The following NEXN variants were observed in gnomAD, a reference collection of about 807,000 sequenced individuals.
NEXN encodes nexilin.
A neutral mutation model predicts 92.6 loss-of-function variants in NEXN; 65 were observed. The observed-to-expected ratio is 0.70, with a 90% CI of 0.57 to 0.86. The LOEUF is 0.86. NEXN is among the 40% of genes least tolerant of loss of function. The pLI is 0.00. For missense variants in NEXN, 778 were observed against 771.1 expected (o/e 1.01, Z -0.11); for synonymous variants, 254 against 242.5 (o/e 1.05, Z -0.44).
rs146368533 is a variant in NEXN at position 77,902,351 on chromosome 1, C to A, written c.-53+13592C>A. Among the ~76,000 whole-genome samples, 449 of 152,182 alleles carry A rather than the reference C, an allele frequency of 3.0e-3. 6 individuals carry two copies. Among genetic ancestry groups the A allele is most frequent in the African/African-American group, 0.01 (424 of 41,532 alleles). ...AATTTTATTTGTACATGTAACTTTT[C>A]ATTACTTTATTAATGACTTCATCAA... On this transcript the variant is annotated intron_variant, in intron 1 of 12. Coordinates refer to ENST00000334785, the MANE Select transcript of NEXN (RefSeq NM_144573.4).
At position 77,942,590 on chromosome 1, in the gene NEXN, G is replaced by A. The variant is rs771979669; in HGVS notation, c.1789G>A (p.Glu597Lys). The stretch of plus-strand genomic sequence containing the variant: ...TAAAAACACATCAGTTGTAGACAGT[G>A]AGCCAGTCAGATTTACGGTTAAAGT... The part of the protein sequence containing the change: ...PLKNTSVVDS[E>K]PVRFTVKVTG... The change falls in exon 13 of 13, where the codon GAG becomes AAG. Residue 597 changes from glutamate (E) to lysine (K), a missense_variant. Physicochemically the swap from Glu to Lys is moderately conservative, Grantham distance 56 (BLOSUM62 1). Around this residue, in one of 3 missense-constraint regions of NEXN, gnomAD observed 532 missense variants for 476.7 expected, o/e 1.12. Coordinates refer to ENST00000334785, the MANE Select transcript of NEXN (RefSeq NM_144573.4). 8 of 1,613,872 alleles carry A rather than the reference G, an allele frequency of 5.0e-6. No individual in the cohort carries two copies. Among genetic ancestry groups the A allele is most frequent in the Non-Finnish European group, 5.9e-6 (7 of 1,179,810 alleles).
chr1:77,941,068 G>A (rs138764311), intron 11 of NEXN, among the ~76,000 whole-genome samples: 9 of 152,270 alleles, frequency 5.9e-5, no homozygotes, highest in African/African-American at 1.9e-4. Flanking sequence ...ACCTCAAACT[G>A]AAGTGAAACA....
chr1:77,895,211 A>AT (rs1452685827), intron 1 of NEXN, among the ~76,000 whole-genome samples: 4 of 151,092 alleles, frequency 2.6e-5, no homozygotes, highest in Non-Finnish European at 2.9e-5. Flanking sequence ...TGATTGGCTA[A>AT]TTTTTTTGTA....
chr1:77,936,787 T>C (rs1284614521), intron 11 of NEXN, among the ~76,000 whole-genome samples: 1 of 152,226 alleles, frequency 6.6e-6, no homozygotes, highest in African/African-American at 2.4e-5. Flanking sequence ...TTAACCTATA[T>C]TCTATTTTGA....
Position 77,926,283 on chromosome 1 carries a change from T to A in NEXN, c.490-131T>A, listed in dbSNP as rs531178076. On this transcript the variant is annotated intron_variant, in intron 6 of 12. Transcript: ENST00000334785. ...TAGAGTAGGAGATATTTAATAATAATCTGTAAAAAAATGTTCTTCATAATA... is the reference window on the plus strand; with the variant it reads ...TAGAGTAGGAGATATTTAATAATAAACTGTAAAAAAATGTTCTTCATAATA... 1.1e-4 allele frequency: 69 copies of A among 613,648 alleles called. No individual in the cohort carries two copies. In the African/African-American group the frequency reaches 1.2e-3, roughly 10 times the overall value. The allele number at this position is 613,648 out of a possible 1,614,324, so 38.0% of individuals were successfully genotyped here. A position where few individuals can be genotyped will look rare whatever the true frequency, so the allele number is the denominator to read the frequency against.
chr1:77,918,104 T>A (rs775520227), intron 4 of NEXN, 21 bp from the exon 5 acceptor site: 1 of 1,611,294 alleles, frequency 6.2e-7, no homozygotes, highest in Admixed American at 1.7e-5. Context: ...AGTATCAAAC[T>A]TTTTTTTCAT....
chr1:77,931,869 G>A (rs929937226), intron 9 of NEXN: 2 of 152,180 alleles, frequency 1.3e-5, no homozygotes, highest in African/African-American at 4.8e-5. Flanking sequence ...TCCCCTGTGT[G>A]TATTTCAACC....
At chr1:77,898,082 T>G (rs887567102) in intron 1 of NEXN, among the ~76,000 whole-genome samples, 1 of 151,672 alleles carries the variant, frequency 6.6e-6, no homozygotes, top group Non-Finnish European at 1.5e-5. Flanking sequence ...ATGGCCATAC[T>G]GCCCAAGGTA....
At chr1:77,898,730 C>T (rs1257476460) in intron 1 of NEXN, among the ~76,000 whole-genome samples, 1 of 152,080 alleles carries the variant, frequency 6.6e-6, no homozygotes, top group Non-Finnish European at 1.5e-5. Flanking sequence ...AGGCAACCTA[C>T]AAAATGGGAG....
At chr1:77,933,183 AAAAC>A (rs1650447267) in intron 9 of NEXN, 95 bp from the exon 10 acceptor site, 4 of 858,790 alleles carry the variant, frequency 4.7e-6, no homozygotes, top group South Asian at 3.2e-5. Flanking sequence ...ACAAAAACTA[AAAAC>A]AAACAAAAAA....
intron 10 of NEXN, among the ~76,000 whole-genome samples, chr1:77,934,248 G>C (rs1019763912): frequency 6.6e-6 from 1 of 152,092 alleles, no homozygotes; most frequent in Non-Finnish European, 1.5e-5. Context: ...GACTTCAGGT[G>C]ATCCGCCCAC....
chr1:77,906,633 T>C (rs2102061664), intron 1 of NEXN, among the ~76,000 whole-genome samples: 1 of 152,162 alleles, frequency 6.6e-6, no homozygotes, highest in Middle Eastern at 3.4e-3. Flanking sequence ...TATATGTCAT[T>C]TGTTCTAAAG....
chr1:77,896,836 C>T (rs1011122259), intron 1 of NEXN, among the ~76,000 whole-genome samples: 6 of 151,676 alleles, frequency 4.0e-5, no homozygotes, highest in African/African-American at 7.3e-5. Context: ...ATATCACCAC[C>T]GATCCCACAG....
At chr1:77,889,312 C>CT (rs965462362) in intron 1 of NEXN, 6 of 150,816 alleles carry the variant, frequency 4.0e-5, no homozygotes, top group African/African-American at 1.5e-4. Context: ...CCTATTACTC[C>CT]CCCCCCACAC....
chr1:77,937,311 A>G (rs562062015), intron 11 of NEXN, among the ~76,000 whole-genome samples: 14 of 151,986 alleles, frequency 9.2e-5, no homozygotes, highest in African/African-American at 3.4e-4. Flanking sequence ...CTCTAACACA[A>G]TAAAGCATGG....
chr1:77,903,852 G>C (rs1571082293), intron 1 of NEXN, among the ~76,000 whole-genome samples: 1 of 152,124 alleles, frequency 6.6e-6, no homozygotes, highest in Non-Finnish European at 1.5e-5. Flanking sequence ...TTGAGCCCAG[G>C]AGGTCGAAGC....
At chr1:77,925,068 C>A in intron 5 of NEXN, 120 bp from the exon 6 acceptor site, 1 of 677,808 alleles carries the variant, frequency 1.5e-6, no homozygotes. Flanking sequence ...AAACATATTT[C>A]AAAAATTATA....
chr1:77,908,559 C>G (rs1648330116), intron 1 of NEXN, among the ~76,000 whole-genome samples: 1 of 151,898 alleles, frequency 6.6e-6, no homozygotes, highest in African/African-American at 2.4e-5. Flanking sequence ...TGCCACCACT[C>G]CTGGCTAATT....
intron 1 of NEXN, among the ~76,000 whole-genome samples, chr1:77,904,563 T>C (rs1172989558): frequency 6.6e-6 from 1 of 152,208 alleles, no homozygotes; most frequent in Non-Finnish European, 1.5e-5. Flanking sequence ...TTTTGGGGGT[T>C]ATTTTAAATT....
Sources: allele counts gnomAD v4.1 joint callset (sites outside exome capture counted in the v4.1 genomes callset), GRCh38; gene constraint gnomAD v4.1.1; regional missense constraint gnomAD v4.1.1; transcripts MANE v1.5; gene names NCBI Gene and HGNC (gene_info 2026-07-23, HGNC 2026-07-21).